NALCN: variants seen among roughly 807,000 people sequenced by gnomAD.
NALCN encodes the protein sodium leak channel NALCN.
NALCN carries 111 observed loss-of-function variants against 225.3 expected under a neutral mutation model. The observed-to-expected ratio is 0.49, with a 90% confidence interval of 0.42 to 0.58. The LOEUF is 0.58. Among genes scored for constraint, NALCN ranks in the 20% least tolerant of loss-of-function variants. The pLI, the probability that NALCN is intolerant of heterozygous loss-of-function variation, is 0.00. For missense variants in NALCN, 1,378 were observed against 2,202.4 expected, an observed-to-expected ratio of 0.63 and a Z score of 7.49; for synonymous variants, 764 against 769.0, an observed-to-expected ratio of 0.99 and a Z score of 0.11.
At position 101,256,796 on chromosome 13, in the gene NALCN, C is replaced by G. The variant is rs538139027; in HGVS notation, c.1266+1647G>C. Among the ~76,000 whole-genome samples the G allele has an allele frequency of 2.3e-3, 326 of 141,558 alleles. 1 individual carries two copies. The highest frequency in any genetic ancestry group is 7.8e-3 in the African/African-American group (302 of 38,812). 92.9% of individuals were successfully genotyped at this position (141,558 alleles called of 152,430 possible). A position where few individuals can be genotyped will look rare whatever the true frequency, so the allele number is the denominator to read the frequency against. ...TTTTTTTTTTTGAGATGGAGTCTCACTCTGTCACCCTGGCTGGAATTCAGT... is the reference window on the plus strand; with the variant it reads ...TTTTTTTTTTTGAGATGGAGTCTCAGTCTGTCACCCTGGCTGGAATTCAGT... On this transcript the variant is annotated intron_variant, in intron 11 of 43. Coordinates refer to ENST00000251127, the MANE Select transcript of NALCN (RefSeq NM_052867.4).
chr13:101,276,095 A>T (rs2042964550), intron 10 of NALCN, among the ~76,000 whole-genome samples: 1 of 142,690 alleles, frequency 7.0e-6, no homozygotes, highest in African/African-American at 2.6e-5. Context: ...AAAAAAAAGG[A>T]ACAGGCACGA....
chr13:101,106,718 T>C (rs572545706), intron 22 of NALCN, among the ~76,000 whole-genome samples: 4 of 152,156 alleles, frequency 2.6e-5, no homozygotes, highest in South Asian at 2.1e-4. Flanking sequence ...CCCTCTCTTG[T>C]CTGCTGCCAT....
intron 41 of NALCN, among the ~76,000 whole-genome samples, 154 bp from the exon 42 acceptor site, chr13:101,060,121 A>C (rs1425261898): frequency 2.6e-5 from 4 of 152,004 alleles, no homozygotes; most frequent in South Asian, 2.1e-4. Flanking sequence ...ACTAATTTCA[A>C]TGTTCAATTA....
intron 11 of NALCN, among the ~76,000 whole-genome samples, chr13:101,254,406 A>G (rs2042155984): frequency 6.6e-6 from 1 of 151,178 alleles, no homozygotes; most frequent in African/African-American, 2.4e-5. Flanking sequence ...GACAAAAACA[A>G]CAACAAAAAA....
chr13:101,414,294 G>A (rs2047871807), intron 1 of NALCN, among the ~76,000 whole-genome samples: 1 of 152,138 alleles, frequency 6.6e-6, no homozygotes, highest in South Asian at 2.1e-4. Context: ...TGTCTTTCCT[G>A]AAGGATTCTT....
At chr13:101,211,310 CA>C in intron 13 of NALCN, among the ~76,000 whole-genome samples, 1 of 151,916 alleles carries the variant, frequency 6.6e-6, no homozygotes, top group South Asian at 2.1e-4. Context: ...AGATGAGCTG[CA>C]AAAATAGGTT....
At chr13:101,078,626 G>T (rs1172150435) in intron 34 of NALCN, among the ~76,000 whole-genome samples, 4 of 152,164 alleles carry the variant, frequency 2.6e-5, no homozygotes, top group Non-Finnish European at 5.9e-5. Flanking sequence ...ATTGTATCTA[G>T]GAAGTAACTA....
intron 28 of NALCN, among the ~76,000 whole-genome samples, 184 bp downstream of exon 28, chr13:101,095,390 G>T (rs546694099): frequency 1.5e-3 from 228 of 151,952 alleles, no homozygotes; most frequent in African/African-American, 5.3e-3. Flanking sequence ...TGCACTACTT[G>T]CTCTCTTATT....
At chr13:101,404,165 C>G (rs2047554529) in intron 1 of NALCN, among the ~76,000 whole-genome samples, 1 of 152,102 alleles carries the variant, frequency 6.6e-6, no homozygotes, top group African/African-American at 2.4e-5. Context: ...CTTCAACGTC[C>G]ATCTAGTGGT....
At chr13:101,269,188 G>T (rs2042692367) in intron 10 of NALCN, among the ~76,000 whole-genome samples, 1 of 142,896 alleles carries the variant, frequency 7.0e-6, no homozygotes, top group Non-Finnish European at 1.5e-5. Context: ...GTTCCTTGGT[G>T]TCCAGAAAGA....
intron 3 of NALCN, among the ~76,000 whole-genome samples, chr13:101,382,497 A>G (rs892526570): frequency 1.3e-5 from 2 of 152,112 alleles, no homozygotes; most frequent in Non-Finnish European, 2.9e-5. Flanking sequence ...TTAAATTTAA[A>G]AATTGGGGCC....
chr13:101,284,954 G>A (rs561579443), intron 9 of NALCN, among the ~76,000 whole-genome samples: 1 of 152,202 alleles, frequency 6.6e-6, no homozygotes, highest in East Asian at 1.9e-4. Flanking sequence ...GTAGGAATAG[G>A]GCAAAATTAA....
intron 10 of NALCN, among the ~76,000 whole-genome samples, chr13:101,264,799 G>A (rs2042545581): frequency 6.6e-6 from 1 of 152,150 alleles, no homozygotes; most frequent in Non-Finnish European, 1.5e-5. Context: ...AAAAATGGCT[G>A]CCAACCTTGT....
In NALCN at chr13:101,404,556, C is replaced by T. The variant is rs1307220700; in HGVS notation, c.-39-5391G>A. ...ATTGTGTCTGCCACCGAACAAGGGG[C>T]TGCAGATGAAGTAGTAATTAGTTAT... On this transcript the variant is annotated intron_variant, in intron 1 of 43. Transcript: ENST00000251127. Among the ~76,000 whole-genome samples the T allele has an allele frequency of 4.0e-5, 6 of 151,150 alleles. No individual in the cohort carries two copies. The East Asian group carries it at 1.2e-3, about 29-fold the overall frequency.
At position 101,208,801 on chromosome 13, in the gene NALCN, C is replaced by T. The variant is rs144918851; in HGVS notation, c.1627-16747G>A. On this transcript the variant is annotated intron_variant, in intron 13 of 43. Coordinates refer to ENST00000251127, the MANE Select transcript of NALCN (RefSeq NM_052867.4). ...TTGTTTCTGTTCTCGCCATGTGAAA[C>T]CGCTTGCTCCCCTTTCACCTTCTGC... Among the ~76,000 whole-genome samples the T allele has an allele frequency of 4.8e-3, 732 of 152,280 alleles. 2 individuals are homozygous for T. Among genetic ancestry groups the T allele is most frequent in the Non-Finnish European group, 8.1e-3 (553 of 68,028 alleles).
chr13:101,238,916 A>T (rs911059428), intron 11 of NALCN, among the ~76,000 whole-genome samples: 1 of 151,992 alleles, frequency 6.6e-6, no homozygotes. Context: ...GGCACTGCAG[A>T]TAGTTAATTT....
At chr13:101,357,131 CA>C (rs1288249899) in intron 6 of NALCN, among the ~76,000 whole-genome samples, 1 of 152,138 alleles carries the variant, frequency 6.6e-6, no homozygotes, top group Non-Finnish European at 1.5e-5. Flanking sequence ...TGGCACAAGA[CA>C]AGGATGCCCT....
intron 13 of NALCN, among the ~76,000 whole-genome samples, chr13:101,211,601 G>A (rs906048067): frequency 6.6e-6 from 1 of 150,492 alleles, no homozygotes; most frequent in Non-Finnish European, 1.5e-5. Flanking sequence ...AGGAAATAAT[G>A]AAAATTAATT....
intron 13 of NALCN, among the ~76,000 whole-genome samples, chr13:101,199,791 G>A (rs1179758850): frequency 6.6e-6 from 1 of 151,972 alleles, no homozygotes; most frequent in Non-Finnish European, 1.5e-5. Context: ...AGAACTTAGA[G>A]TATAAATAAA....
Sources: allele counts gnomAD v4.1 joint callset (sites outside exome capture counted in the v4.1 genomes callset), GRCh38; gene constraint gnomAD v4.1.1; transcripts MANE v1.5; gene names NCBI Gene and HGNC (gene_info 2026-07-23, HGNC 2026-07-21).